Variants in PCGF3 observed in about 807,000 individuals in gnomAD.
PCGF3 encodes the protein polycomb group ring finger 3.
Under a neutral mutation model 33.1 loss-of-function variants are expected in PCGF3, and 7 were observed. The observed-to-expected ratio is 0.21, with a 90% CI of 0.12 to 0.40. The LOEUF (loss-of-function observed/expected upper bound fraction) is 0.40, where lower values mean the gene tolerates loss of function less well. Among genes scored for constraint, PCGF3 ranks in the 10% least tolerant of loss-of-function variants. The pLI is 1.00. For missense variants in PCGF3, 211 were observed against 313.3 expected (o/e 0.67, Z 2.46); for synonymous variants, 153 against 121.3 (o/e 1.26, Z -1.72).
chr4:728,304 A>G, intron 1 of PCGF3, among the ~76,000 whole-genome samples: 1 of 152,216 alleles, frequency 6.6e-6, no homozygotes, highest in Non-Finnish European at 1.5e-5. Context: ...CCATTGACAT[A>G]GTGTTTACAG....
intron 8 of PCGF3, among the ~76,000 whole-genome samples, chr4:747,833 C>A (rs947666931): frequency 1.3e-5 from 2 of 152,130 alleles, no homozygotes; most frequent in African/African-American, 2.4e-5. Flanking sequence ...GCAGTGACAG[C>A]CAGCACCCAA....
chr4:766,224 A>T, exon 11 of PCGF3: 1 of 645,288 alleles, frequency 1.5e-6, no homozygotes, highest in East Asian at 2.8e-5. Flanking sequence ...GAGAGAATTC[A>T]CACTCAACAA....
intron 8 of PCGF3, among the ~76,000 whole-genome samples, chr4:760,807 C>G (rs1047858460): frequency 6.6e-6 from 1 of 152,222 alleles, no homozygotes; most frequent in Non-Finnish European, 1.5e-5. Flanking sequence ...TATCCTGCGG[C>G]CAAACTGCTG....
At chr4:750,038 G>A (rs73221200) in intron 8 of PCGF3, among the ~76,000 whole-genome samples, 31,121 of 152,142 alleles carry the variant, frequency 0.2, 3,706 homozygotes, top group Middle Eastern at 0.27. Flanking sequence ...CTCCTGGGCT[G>A]AAGCAGTCCA....
intron 1 of PCGF3, among the ~76,000 whole-genome samples, chr4:726,108 T>G (rs1279181741): frequency 1.3e-5 from 2 of 152,138 alleles, no homozygotes; most frequent in Non-Finnish European, 2.9e-5. Context: ...GCAGGAATGG[T>G]CTCGTGGGTG....
chr4:763,668 C>T (rs570687707), intron 9 of PCGF3, among the ~76,000 whole-genome samples: 33 of 152,286 alleles, frequency 2.2e-4, no homozygotes, highest in East Asian at 1.2e-3. Context: ...GCTGACAACA[C>T]GAAACACACT....
intron 8 of PCGF3, among the ~76,000 whole-genome samples, chr4:754,403 G>C (rs1274733035): frequency 6.6e-6 from 1 of 152,238 alleles, no homozygotes. Flanking sequence ...GCTGGAAGTG[G>C]GCTCTGCCTG....
intron 9 of PCGF3, among the ~76,000 whole-genome samples, chr4:763,619 G>T (rs1440256144): frequency 6.6e-6 from 1 of 152,250 alleles, no homozygotes. Flanking sequence ...CCTGTGGGAA[G>T]TGGAACCCGC....
chr4:732,533 G>A (rs10034650), intron 3 of PCGF3: 61,752 of 152,280 alleles, frequency 0.41, 14,633 homozygotes, highest in African/African-American at 0.66. Context: ...GTGGCAGAGT[G>A]GTCGGGGACA....
At position 756,525 on chromosome 4, in the gene PCGF3, C is replaced by T. The variant is rs568197882; in HGVS notation, c.463-4754C>T. Reference sequence around the variant, plus strand: ...ACTGCACCCGGCTCTTTTCTAAACTCTAGAGTTGAACATTCCTTTAGTTTC... The same window carrying T: ...ACTGCACCCGGCTCTTTTCTAAACTTTAGAGTTGAACATTCCTTTAGTTTC... On this transcript the variant is annotated intron_variant, in intron 8 of 10. Transcript: ENST00000362003. Among the ~76,000 whole-genome samples the T allele has an allele frequency of 2.6e-5, 4 of 152,256 alleles. No individual in the cohort carries two copies. The East Asian group carries it at 5.8e-4, about 22-fold the overall frequency.
intron 3 of PCGF3, chr4:731,392 C>A (rs1452787904): frequency 2.6e-6 from 1 of 386,074 alleles, no homozygotes; most frequent in Non-Finnish European, 4.6e-6. Context: ...AGCAGTGCTG[C>A]TTGGGGGCCG....
intron 1 of PCGF3, among the ~76,000 whole-genome samples, chr4:708,006 C>T (rs55991556): frequency 0.078 from 5,636 of 72,296 alleles, 444 homozygotes; most frequent in South Asian, 0.15. Context: ...CTGGGACAGC[C>T]CTGTTTTCCC....
intron 1 of PCGF3, among the ~76,000 whole-genome samples, chr4:715,031 T>C: frequency 6.7e-6 from 1 of 148,328 alleles, no homozygotes; most frequent in African/African-American, 2.5e-5. Context: ...GTGTGAGAAC[T>C]GGGCGTCGGT....
At chr4:735,277 G>T (rs7672212) in intron 5 of PCGF3, among the ~76,000 whole-genome samples, 140,941 of 152,332 alleles carry the variant, frequency 0.93, 65,265 homozygotes, top group African/African-American at 0.96. Flanking sequence ...CCGGGCGCAG[G>T]GGCTCATGCC....
chr4:735,096 T>G, intron 5 of PCGF3, 69 bp downstream of exon 5: 16 of 1,501,718 alleles, frequency 1.1e-5, no homozygotes, highest in Non-Finnish European at 1.5e-5. Context: ...TGTGTGGGCC[T>G]TCCCAGGCCA....
At chr4:727,597 C>T (rs1401863662) in intron 1 of PCGF3, among the ~76,000 whole-genome samples, 1 of 152,056 alleles carries the variant, frequency 6.6e-6, no homozygotes, top group East Asian at 1.9e-4. Context: ...GATTTTTATG[C>T]ACCTGCTGGG....
intron 1 of PCGF3, chr4:722,450 G>T: frequency 3.7e-6 from 1 of 270,466 alleles, no homozygotes; most frequent in Non-Finnish European, 7.2e-6. Context: ...GGGTGGAGAG[G>T]AAGGCATATG....
intron 1 of PCGF3, among the ~76,000 whole-genome samples, chr4:719,968 C>T (rs1052024831): frequency 6.6e-6 from 1 of 152,156 alleles, no homozygotes; most frequent in African/African-American, 2.4e-5. Context: ...CGGTTCACAG[C>T]GTTGTGAACA....
chr4:712,415 A>G (rs1684761630), intron 1 of PCGF3, among the ~76,000 whole-genome samples: 1 of 152,066 alleles, frequency 6.6e-6, no homozygotes, highest in South Asian at 2.1e-4. Context: ...ATAAACTCTA[A>G]TATTCGTGTT....
Sources: allele counts gnomAD v4.1 joint callset (sites outside exome capture counted in the v4.1 genomes callset), GRCh38; gene constraint gnomAD v4.1.1; transcripts MANE v1.5; gene names NCBI Gene and HGNC (gene_info 2026-07-23, HGNC 2026-07-21).